The following AP3D1 variants were observed in gnomAD, a reference collection of about 807,000 sequenced individuals.
The protein encoded by AP3D1 is adaptor related protein complex 3 subunit delta 1, also known as AP-3 complex subunit delta-1.
A neutral mutation model predicts 147.6 loss-of-function variants in AP3D1; 51 were observed. The ratio of observed to expected loss-of-function variants is 0.35; its 90% CI spans 0.28 to 0.44. AP3D1 has a LOEUF of 0.44. Among genes scored for constraint, AP3D1 ranks in the 20% least tolerant of loss-of-function variants. AP3D1 has a pLI of 1.00. For synonymous variants in AP3D1, 760 were observed against 663.0 expected, an observed-to-expected ratio of 1.15 and a Z score of -2.25; for missense variants, 1,421 against 1,624.2, an observed-to-expected ratio of 0.87 and a Z score of 2.15.
At chr19:2,108,094 G>C (rs2018162260) in intron 31 of AP3D1, among the ~76,000 whole-genome samples, 1 of 152,146 alleles carries the variant, frequency 6.6e-6, no homozygotes, top group African/African-American at 2.4e-5. Context: ...AGGAAGAAAT[G>C]CCACTTATCA....
At chr19:2,112,373 G>A (rs1264556951) in intron 24 of AP3D1, 1 of 177,830 alleles carries the variant, frequency 5.6e-6, no homozygotes, top group Non-Finnish European at 1.2e-5. Context: ...TAGTGTGGAT[G>A]CACCTTGAGG....
upstream of AP3D1, among the ~76,000 whole-genome samples, chr19:2,154,230 T>A (rs141713932): frequency 4.6e-5 from 7 of 151,894 alleles, no homozygotes; most frequent in Admixed American, 1.3e-4. Context: ...ATTACAGGTG[T>A]GAGCCACTGC....
At position 2,115,166 on chromosome 19, in the gene AP3D1, C is replaced by T. The variant is rs906102772; in HGVS notation, c.2349+53G>A. The T allele has an allele frequency of 3.2e-6, 5 of 1,554,596 alleles. No individual in the cohort carries two copies. The African/African-American group carries it at 6.8e-5, about 21-fold the overall frequency. On this transcript the variant is annotated intron_variant, in intron 20 of 31. Coordinates refer to ENST00000643116, the MANE Select transcript of AP3D1 (RefSeq NM_001261826.3). Reference sequence around the variant, plus strand: ...GGCCACTGTGCATGGCCCCAGGACACACACATGCGGAAAGATAGACATCCT... The same window carrying T: ...GGCCACTGTGCATGGCCCCAGGACATACACATGCGGAAAGATAGACATCCT...
chr19:2,131,727 G>T, intron 5 of AP3D1, among the ~76,000 whole-genome samples: 1 of 114,598 alleles, frequency 8.7e-6, no homozygotes, highest in African/African-American at 3.7e-5. Context: ...GCAGCCACGC[G>T]GGGACCGCGC....
intron 31 of AP3D1, among the ~76,000 whole-genome samples, chr19:2,103,251 G>A (rs1031368653): frequency 3.5e-4 from 53 of 152,310 alleles, no homozygotes; most frequent in African/African-American, 1.3e-3. Context: ...CTCGGGTGAG[G>A]GAGCGGCCCA....
chr19:2,151,324 T>C lies in AP3D1; in HGVS notation c.11A>G (p.Lys4Arg), dbSNP rs753995853. ...GCGGTCGATGCTGCCCTTCACCATC[T>C]TGAGGGCCATCGCGGCGGCCCACGG... is the stretch of plus-strand genomic sequence containing the variant. MALKMVKGSIDRMF... is the reference protein window; with the variant it reads MALRMVKGSIDRMF... The change falls in exon 1 of 32, where the codon AAG becomes AGG. Residue 4 changes from lysine to arginine, a missense_variant. Lys to Arg is a conservative substitution (Grantham distance 26, BLOSUM62 2). This residue lies in a region of AP3D1 where 292 missense variants were observed against 412.0 expected (regional missense o/e 0.71). Coordinates refer to ENST00000643116, the MANE Select transcript of AP3D1 (RefSeq NM_001261826.3). 1.3e-6 allele frequency: 2 copies of C among 1,588,096 alleles called. No individual in the cohort carries two copies. The highest frequency in any genetic ancestry group is 1.7e-6 in the Non-Finnish European group (2 of 1,167,006).
At chr19:2,130,231 G>A (rs756898514) in intron 6 of AP3D1, among the ~76,000 whole-genome samples, 177 bp downstream of exon 6, 1 of 152,128 alleles carries the variant, frequency 6.6e-6, no homozygotes, top group Non-Finnish European at 1.5e-5. Flanking sequence ...CCCACCACCA[G>A]CACCTCCCTC....
rs199597532 is a variant in AP3D1 at position 2,137,949 on chromosome 19, CT to C, written c.193-143del. ...TCAGCAAACCACCCAATACGTACCC[CT>C]GGGGCCTTTAATTTCTTCTTTTGAC... On this transcript the variant is annotated intron_variant, in intron 2 of 31. Transcript: ENST00000643116. The C allele has an allele frequency of 1.8e-3, 916 of 511,966 alleles. 15 individuals are homozygous for C. The East Asian group carries it at 0.028, about 15-fold the overall frequency. 31.7% of individuals were successfully genotyped at this position (511,966 alleles called of 1,614,324 possible). A position where few individuals can be genotyped will look rare whatever the true frequency, so the allele number is the denominator to read the frequency against.
rs1163968102 is a variant in AP3D1 at position 2,137,111 on chromosome 19, C to T, written c.274-20G>A. 6.4e-7 allele frequency: 1 copy of T among 1,567,412 alleles called. No individual in the cohort carries two copies. The highest frequency in any genetic ancestry group is 1.2e-5 in the South Asian group (1 of 85,344). ...AATTCGCTGGGAGAGAACAGATGAG[C>T]ACATCAGAGGCAGGACACCCGCAGC... On this transcript the variant is annotated intron_variant, in intron 3 of 31. Coordinates refer to ENST00000643116, the MANE Select transcript of AP3D1 (RefSeq NM_001261826.3).
intron 14 of AP3D1, among the ~76,000 whole-genome samples, chr19:2,119,517 C>T (rs1034600176): frequency 6.6e-6 from 1 of 152,018 alleles, no homozygotes; most frequent in African/African-American, 2.4e-5. Flanking sequence ...CACGGTGAAA[C>T]CCCATCTCTA....
chr19:2,138,184 G>A (rs990424670), intron 2 of AP3D1, among the ~76,000 whole-genome samples: 4 of 152,214 alleles, frequency 2.6e-5, no homozygotes, highest in African/African-American at 9.6e-5. Context: ...CTCCCACGGG[G>A]AAACGGGCCA....
At chr19:2,125,616 G>T (rs1395172387) in intron 9 of AP3D1, among the ~76,000 whole-genome samples, 4 of 152,152 alleles carry the variant, frequency 2.6e-5, no homozygotes, top group African/African-American at 9.7e-5. Context: ...ACCACGCCCG[G>T]CCAGGAGTGT....
In AP3D1 at chr19:2,114,774, G is replaced by C. The variant is rs1785035704; in HGVS notation, c.2397C>G (p.Tyr799Ter). 1 of 1,613,996 alleles carries C rather than the reference G, an allele frequency of 6.2e-7. No homozygotes were observed. The highest frequency in any genetic ancestry group is 1.3e-5 in the African/African-American group (1 of 74,944). The change falls in exon 21 of 32, where the codon TAC becomes TAG. Residue 799 changes from tyrosine (Y) to a stop codon, truncating the protein, a stop_gained. Coordinates refer to ENST00000643116, the MANE Select transcript of AP3D1 (RefSeq NM_001261826.3). LOFTEE classifies it high-confidence loss of function. Reference protein sequence around the residue: ...DEDDKDPNDPYRALDIDLDKP... With the variant: ...DEDDKDPNDP ...TATCCAGGTCAATATCCAGAGCCCT[G>C]TAGGGGTCGTTGGGGTCTTTGTCAT...
chr19:2,141,717 G>A (rs1375901034), intron 1 of AP3D1, among the ~76,000 whole-genome samples: 1 of 151,542 alleles, frequency 6.6e-6, no homozygotes, highest in Non-Finnish European at 1.5e-5. Flanking sequence ...TGGGATTACA[G>A]GCGTGAGCCA....
intron 1 of AP3D1, among the ~76,000 whole-genome samples, chr19:2,157,416 TG>T (rs2019654883): frequency 1.6e-5 from 2 of 123,174 alleles, no homozygotes; most frequent in African/African-American, 3.4e-5. Context: ...CACTCCAGCC[TG>T]GGCGACAGAG....
chr19:2,134,247 G>T (rs1031786800), intron 4 of AP3D1, among the ~76,000 whole-genome samples: 3 of 151,908 alleles, frequency 2.0e-5, no homozygotes, highest in African/African-American at 7.3e-5. Context: ...AACCCTCCCT[G>T]CCTCTACAAA....
intron 1 of AP3D1, among the ~76,000 whole-genome samples, chr19:2,142,774 T>A (rs1460324285): frequency 6.6e-6 from 1 of 151,656 alleles, no homozygotes; most frequent in East Asian, 1.9e-4. Flanking sequence ...TTTTCTTTTT[T>A]TATTTGAGAC....
intron 15 of AP3D1, among the ~76,000 whole-genome samples, 185 bp from the exon 16 acceptor site, chr19:2,117,552 A>G (rs745945832): frequency 4.6e-5 from 7 of 152,242 alleles, no homozygotes; most frequent in Non-Finnish European, 8.8e-5. Flanking sequence ...GAAGCGGCAG[A>G]AACAGACCAG....
chr19:2,115,511 C>T lies in AP3D1; in HGVS notation c.2149+27G>A, dbSNP rs566131697. The T allele has an allele frequency of 1.4e-4, 226 of 1,611,256 alleles. 2 individuals are homozygous for T. The South Asian group carries it at 2.0e-3, about 14-fold the overall frequency. On this transcript the variant is annotated intron_variant, in intron 19 of 31. Transcript: ENST00000643116. ...CACCCCACAGCCCATGTGACAAATG[C>T]GGCGCCGACACACCGGAGACACTTG...
Sources: gnomAD v4.1 joint callset for allele counts (sites outside exome capture counted in the v4.1 genomes callset) on GRCh38, gnomAD v4.1.1 for gene constraint, gnomAD v4.1.1 regional missense constraint, MANE v1.5 for transcripts, NCBI Gene and HGNC (gene_info 2026-07-23, HGNC 2026-07-21) for gene names.